The following H2AJ variants were observed in gnomAD, a reference collection of about 807,000 sequenced individuals.
H2AJ encodes H2A.J histone, also known as histone H2A.J.
H2AJ carries 3 observed loss-of-function variants against 7.9 expected under a neutral mutation model. The ratio of observed to expected loss-of-function variants is 0.38; its 90% CI spans 0.17 to 0.98. H2AJ has a LOEUF of 0.98. Among genes scored for constraint, H2AJ ranks in the 50% least tolerant of loss-of-function variants. The probability of loss-of-function intolerance (pLI) is 0.39; values close to 1 mark genes in which losing one functional copy is unlikely to be tolerated. For synonymous variants in H2AJ, 98 were observed against 85.7 expected (o/e 1.14, Z -0.79); for missense variants, 128 against 174.4 (o/e 0.73, Z 1.50).
At position 14,774,622 on chromosome 12, in the gene H2AJ, AC is replaced by A. The variant is rs1466933680; in HGVS notation, c.154del (p.Leu52TrpfsTer28). 1.9e-6 allele frequency: 3 copies of A among 1,613,864 alleles called. No homozygotes were observed. The highest frequency in any genetic ancestry group is 2.5e-6 in the Non-Finnish European group (3 of 1,179,970). On this transcript the variant is annotated frameshift_variant, in exon 1 of 1. Coordinates refer to ENST00000544848, the MANE Select transcript of H2AJ (RefSeq NM_177925.5). LOFTEE classifies it high-confidence loss of function. ...CGAGTGGGCGCCGGGGCGCCGGTGTACCTGGCGGCGGTGTTGGAGTACCTTA... is the reference window on the plus strand; with the variant it reads ...CGAGTGGGCGCCGGGGCGCCGGTGTACTGGCGGCGGTGTTGGAGTACCTTA... ...AERVGAGAPV[Y>X]LAAVLEYLTA...
downstream of H2AJ, chr12:14,775,867 A>G (rs1949632395): frequency 5.8e-6 from 1 of 171,636 alleles, no homozygotes; most frequent in Admixed American, 6.3e-5. Flanking sequence ...TGTCTTTGGG[A>G]GTTGCATTGC....
chr12:14,777,778 A>G (rs558886805), downstream of H2AJ: 1 of 167,126 alleles, frequency 6.0e-6, no homozygotes, highest in Non-Finnish European at 1.5e-5. Context: ...TAAGATTCCC[A>G]TATAGAAATA....
At position 14,774,614 on chromosome 12, in the gene H2AJ, G is replaced by A. The variant is rs1394850771; in HGVS notation, c.144G>A (p.Ala48=). The change falls in exon 1 of 1, where the codon GCG becomes GCA. Residue 48 remains alanine (A), a synonymous_variant. Transcript: ENST00000544848. ...ACGCGGAGCGAGTGGGCGCCGGGGC[G>A]CCGGTGTACCTGGCGGCGGTGTTGG... ...GNYAERVGAG[A]PVYLAAVLEY... is the part of the protein sequence containing the mutation. The A allele has an allele frequency of 6.2e-7, 1 of 1,614,042 alleles. No homozygotes were observed.
At position 14,774,558 on chromosome 12, in the gene H2AJ, C is replaced by G. The variant is rs2232040; in HGVS notation, c.88C>G (p.Arg30Gly). ...CGCGGGCCTGCAGTTCCCGGTGGGC[C>G]GAGTGCACAGACTGCTGCGCAAAGG... Reference protein sequence around the residue: ...SRAGLQFPVGRVHRLLRKGNY... With the variant: ...SRAGLQFPVGGVHRLLRKGNY... Residue 30 changes from arginine to glycine, a missense_variant, in exon 1 of 1, where the codon CGA becomes GGA. Arg to Gly is a moderately radical substitution (Grantham distance 125). Coordinates refer to ENST00000544848, the MANE Select transcript of H2AJ (RefSeq NM_177925.5). 1 of 1,613,436 alleles carries G rather than the reference C, an allele frequency of 6.2e-7. No individual in the cohort carries two copies. The highest frequency in any genetic ancestry group is 8.5e-7 in the Non-Finnish European group (1 of 1,179,790).
At chr12:14,776,049 C>T (rs1226300184), downstream of H2AJ, 1 of 167,112 alleles carries the variant, frequency 6.0e-6, no homozygotes, top group Non-Finnish European at 1.5e-5. Context: ...CAAATTTCAT[C>T]CTGGCTCACA....
chr12:14,776,265 T>C (rs1461451793), downstream of H2AJ: 1 of 167,122 alleles, frequency 6.0e-6, no homozygotes, highest in East Asian at 1.9e-4. Context: ...TACAAAGTGA[T>C]AGGAGTAGAG....
chr12:14,777,657 A>G (rs1280979355), downstream of H2AJ: 1 of 167,068 alleles, frequency 6.0e-6, no homozygotes, highest in African/African-American at 2.4e-5. Flanking sequence ...TAGTTATCTG[A>G]TTTTTGGAAA....
Position 14,774,535 on chromosome 12 carries a change from C to T in H2AJ, c.65C>T (p.Ala22Val), listed in dbSNP as rs764466688. The T allele has an allele frequency of 3.1e-6, 5 of 1,608,734 alleles. No individual in the cohort carries two copies. In the East Asian group the frequency reaches 6.7e-5, roughly 22 times the overall value. ...AAGGCCAAATCCCGCTCCTCCCGCG[C>T]GGGCCTGCAGTTCCCGGTGGGCCGA... ...RAKAKSRSSR[A>V]GLQFPVGRVH... The change falls in exon 1 of 1, where the codon GCG becomes GTG. Residue 22 changes from alanine to valine, a missense_variant. Coordinates refer to ENST00000544848, the MANE Select transcript of H2AJ (RefSeq NM_177925.5).
In H2AJ at chr12:14,774,468, A is replaced by T; in HGVS notation, c.-3A>T. ...TCTCTGGAGTTGTAGGCGAGAGGTG[A>T]TCATGTCCGGTCGCGGGAAACAGGG... On this transcript the variant is annotated 5_prime_UTR_variant, in exon 1 of 1. Coordinates refer to ENST00000544848, the MANE Select transcript of H2AJ (RefSeq NM_177925.5). 6.4e-7 allele frequency: 1 copy of T among 1,561,540 alleles called. No homozygotes were observed. The highest frequency in any genetic ancestry group is 8.7e-7 in the Non-Finnish European group (1 of 1,155,830).
rs1565666066 is a variant in H2AJ at position 14,774,601 on chromosome 12, T to TGGGCGCCG, written c.141_148dup (p.Val50GlyfsTer33). 10 of 1,613,604 alleles carry TGGGCGCCG rather than the reference T, an allele frequency of 6.2e-6. No homozygotes were observed. The highest frequency in any genetic ancestry group is 1.7e-4 in the Middle Eastern group (1 of 6,060). Reference sequence around the variant, plus strand: ...CGCAAAGGGAACTACGCGGAGCGAGTGGGCGCCGGGGCGCCGGTGTACCTG... The same window carrying TGGGCGCCG: ...CGCAAAGGGAACTACGCGGAGCGAGTGGGCGCCGGGGCGCCGGGGCGCCGGTGTACCTG... On this transcript the variant is annotated frameshift_variant, in exon 1 of 1. Transcript: ENST00000544848. LOFTEE classifies it high-confidence loss of function.
downstream of H2AJ, chr12:14,775,168 G>A: frequency 2.0e-6 from 1 of 489,994 alleles, no homozygotes; most frequent in Admixed American, 2.6e-5. Context: ...CCCTCGAGGC[G>A]TCAGGGGAGG....
At chr12:14,776,830 T>G (rs1949646655), downstream of H2AJ, 1 of 167,020 alleles carries the variant, frequency 6.0e-6, no homozygotes, top group Admixed American at 6.5e-5. Flanking sequence ...ATCTGAGGGA[T>G]TGTTACCAAA....
rs777143327 is a variant in H2AJ, at chr12:14,774,751, TAAAC to T, written c.284_287del (p.Asn95SerfsTer6). ...CTCGCCATCCGCAACGACGAGGAGT[TAAAC>T]AAGCTGCTGGGCAAAGTGACCATCG... is the stretch of plus-strand genomic sequence containing the variant. On this transcript the variant is annotated frameshift_variant, in exon 1 of 1. Coordinates refer to ENST00000544848, the MANE Select transcript of H2AJ (RefSeq NM_177925.5). LOFTEE classifies it high-confidence loss of function. The T allele has an allele frequency of 4.3e-6, 7 of 1,614,140 alleles. No individual in the cohort carries two copies. Among genetic ancestry groups the T allele is most frequent in the African/African-American group, 1.3e-5 (1 of 75,042 alleles).
chr12:14,777,758 G>A (rs1431138023), downstream of H2AJ: 1 of 167,092 alleles, frequency 6.0e-6, no homozygotes, highest in Non-Finnish European at 1.5e-5. Context: ...ATTAATGTGT[G>A]TGAGGACACT....
At chr12:14,777,190 C>A (rs970346635), downstream of H2AJ, 2 of 166,988 alleles carry the variant, frequency 1.2e-5, no homozygotes, top group Non-Finnish European at 1.5e-5. Context: ...AACAGTAGTT[C>A]TTGCTGATGT....
downstream of H2AJ, chr12:14,775,590 C>G: frequency 2.7e-6 from 1 of 369,338 alleles, no homozygotes; most frequent in South Asian, 2.1e-5. Context: ...GTTGGAAATT[C>G]GTTCCCCTGA....
chr12:14,777,341 C>T (rs1205167377), downstream of H2AJ: 1 of 166,872 alleles, frequency 6.0e-6, no homozygotes, highest in Non-Finnish European at 1.5e-5. Context: ...CAAACACACA[C>T]ACACACACTC....
downstream of H2AJ, chr12:14,775,344 T>C (rs1949623314): frequency 4.2e-6 from 2 of 471,338 alleles, no homozygotes; most frequent in African/African-American, 2.0e-5. Context: ...TCTGGGAAGA[T>C]ACCGTCGGAT....
downstream of H2AJ, chr12:14,776,589 A>C (rs1196068764): frequency 6.0e-6 from 1 of 167,052 alleles, no homozygotes; most frequent in Non-Finnish European, 1.5e-5. Context: ...AAGGATTGAG[A>C]TTGTTCATTT....
Sources: gnomAD v4.1 joint callset for allele counts on GRCh38, gnomAD v4.1.1 for gene constraint, MANE v1.5 for transcripts, NCBI Gene and HGNC (gene_info 2026-07-23, HGNC 2026-07-21) for gene names.